The following NALCN variants were observed in gnomAD, a reference collection of about 807,000 sequenced individuals.
NALCN encodes sodium leak channel, non-selective, also known as sodium leak channel NALCN.
In NALCN, 111 loss-of-function variants were observed where a neutral mutation model predicts 225.3. The ratio of observed to expected loss-of-function variants is 0.49; its 90% CI spans 0.42 to 0.58. The LOEUF (loss-of-function observed/expected upper bound fraction) is 0.58. NALCN is among the 20% of genes least tolerant of loss of function. The probability of loss-of-function intolerance (pLI) is 0.00; values close to 1 mark genes in which losing one functional copy is unlikely to be tolerated. For synonymous variants in NALCN, 764 were observed against 769.0 expected, an observed-to-expected ratio of 0.99 and a Z score of 0.11; for missense variants, 1,378 against 2,202.4, an observed-to-expected ratio of 0.63 and a Z score of 7.49.
chr13:101,239,980 C>T (rs930809199), intron 11 of NALCN, among the ~76,000 whole-genome samples: 1 of 151,954 alleles, frequency 6.6e-6, no homozygotes, highest in Non-Finnish European at 1.5e-5. Flanking sequence ...TTAAATGTTA[C>T]TGTCCGTAAC....
At chr13:101,401,030 C>T (rs920735337) in intron 1 of NALCN, among the ~76,000 whole-genome samples, 6 of 152,164 alleles carry the variant, frequency 3.9e-5, no homozygotes, top group African/African-American at 1.2e-4. Flanking sequence ...GTCAATTAAA[C>T]CTCTTTCCTT....
intron 15 of NALCN, among the ~76,000 whole-genome samples, chr13:101,147,599 T>C (rs2037417130): frequency 1.3e-5 from 2 of 152,168 alleles, no homozygotes; most frequent in African/African-American, 4.8e-5. Flanking sequence ...ATATGGGATC[T>C]TGCAATGTTG....
intron 6 of NALCN, among the ~76,000 whole-genome samples, chr13:101,365,574 C>CAAA (rs10628196): frequency 2.6e-5 from 4 of 151,708 alleles, no homozygotes; most frequent in African/African-American, 9.7e-5. Flanking sequence ...GAGCAAACTG[C>CAAA]AAAAAAATCC....
At chr13:101,413,395 A>G (rs893791878) in intron 1 of NALCN, among the ~76,000 whole-genome samples, 2 of 152,118 alleles carry the variant, frequency 1.3e-5, no homozygotes, top group African/African-American at 2.4e-5. Flanking sequence ...CTATCAGGAC[A>G]CTGTTTATAA....
intron 27 of NALCN, among the ~76,000 whole-genome samples, chr13:101,097,422 A>G (rs1364913707): frequency 6.6e-6 from 1 of 152,166 alleles, no homozygotes; most frequent in Admixed American, 6.5e-5. Flanking sequence ...TATTGTATAA[A>G]GGTCCCTTGA....
At chr13:101,202,539 A>T (rs1004625035) in intron 13 of NALCN, among the ~76,000 whole-genome samples, 1 of 152,120 alleles carries the variant, frequency 6.6e-6, no homozygotes, top group African/African-American at 2.4e-5. Flanking sequence ...CAGTTCTTCA[A>T]ATTCCATCTC....
chr13:101,275,255 G>A (rs1217710378), intron 10 of NALCN, among the ~76,000 whole-genome samples: 4 of 152,112 alleles, frequency 2.6e-5, no homozygotes, highest in Non-Finnish European at 5.9e-5. Context: ...TAATATGCAA[G>A]GAGAGAAACA....
Position 101,395,285 on chromosome 13 carries a change from G to C in NALCN, c.189C>G (p.His63Gln). The C allele has an allele frequency of 2.5e-6, 4 of 1,614,088 alleles. No homozygotes were observed. Among genetic ancestry groups the C allele is most frequent in the Non-Finnish European group, 3.4e-6 (4 of 1,179,952 alleles). Residue 63 changes from histidine to glutamine, a missense_variant, in exon 3 of 44, where the codon CAC becomes CAG. Coordinates refer to ENST00000251127, the MANE Select transcript of NALCN (RefSeq NM_052867.4). ...AGGTCACATACTGAAGTGGAGGATA[G>C]TGCTCGAAGGTCATTGGCGTATTCA... Reference protein sequence around the residue: ...VCMNTPMTFEHYPPLQYVTFT... With the variant: ...VCMNTPMTFEQYPPLQYVTFT...
Position 101,237,948 on chromosome 13 carries a change from T to C in NALCN, c.1267-26A>G, listed in dbSNP as rs762857843. 21 of 1,565,470 alleles carry C rather than the reference T, an allele frequency of 1.3e-5. No homozygotes were observed. The South Asian group carries it at 2.1e-4, about 16-fold the overall frequency. On this transcript the variant is annotated intron_variant, in intron 11 of 43. Transcript: ENST00000251127. ...CTAGAGAAACAAAGAAACATTGAAATTGAAATTCAGAACTATAATTTATTC... is the reference window on the plus strand; with the variant it reads ...CTAGAGAAACAAAGAAACATTGAAACTGAAATTCAGAACTATAATTTATTC...
chr13:101,379,857 A>C (rs906929210), intron 3 of NALCN, among the ~76,000 whole-genome samples: 3 of 152,166 alleles, frequency 2.0e-5, no homozygotes. Context: ...ATAATAAAAA[A>C]AGACCCAACT....
chr13:101,096,583 G>A (rs2034515700), intron 27 of NALCN, among the ~76,000 whole-genome samples: 1 of 152,116 alleles, frequency 6.6e-6, no homozygotes, highest in Non-Finnish European at 1.5e-5. Context: ...AAAGGGATGG[G>A]GGTAATAGTT....
intron 7 of NALCN, among the ~76,000 whole-genome samples, chr13:101,324,208 A>G (rs2044859229): frequency 2.0e-5 from 3 of 152,202 alleles, no homozygotes; most frequent in Admixed American, 1.3e-4. Flanking sequence ...AACACGTCTC[A>G]ACTGGCTTGT....
chr13:101,288,823 C>T (rs1303793415), intron 9 of NALCN, among the ~76,000 whole-genome samples: 1 of 152,162 alleles, frequency 6.6e-6, no homozygotes, highest in Non-Finnish European at 1.5e-5. Context: ...AGAAAAGTAG[C>T]CTTGTGTGGC....
intron 1 of NALCN, among the ~76,000 whole-genome samples, chr13:101,413,597 G>T (rs115107289): frequency 0.011 from 1,612 of 152,156 alleles, 28 homozygotes; most frequent in African/African-American, 0.037. Flanking sequence ...ATGCCACGAT[G>T]ACAACTACCT....
At chr13:101,369,319 C>T (rs772320198) in intron 6 of NALCN, among the ~76,000 whole-genome samples, 2 of 152,030 alleles carry the variant, frequency 1.3e-5, no homozygotes, top group Non-Finnish European at 2.9e-5. Flanking sequence ...TCATGGTGAA[C>T]TTCATTTTTA....
intron 6 of NALCN, among the ~76,000 whole-genome samples, chr13:101,346,141 A>T (rs2045730368): frequency 6.9e-6 from 1 of 144,304 alleles, no homozygotes; most frequent in Admixed American, 7.2e-5. Flanking sequence ...GTGTATGTGT[A>T]TCTGAATATA....
At chr13:101,352,648 C>T (rs2045938935) in intron 6 of NALCN, among the ~76,000 whole-genome samples, 1 of 152,144 alleles carries the variant, frequency 6.6e-6, no homozygotes, top group South Asian at 2.1e-4. Context: ...TAAATGGATA[C>T]TGTGACTGAT....
chr13:101,364,922 C>G (rs73566990), intron 6 of NALCN, among the ~76,000 whole-genome samples: 6,110 of 152,036 alleles, frequency 0.04, 413 homozygotes, highest in African/African-American at 0.14. Flanking sequence ...CGTCATAGAC[C>G]GTTGCATGAA....
chr13:101,197,158 C>T (rs190894985), intron 13 of NALCN, among the ~76,000 whole-genome samples: 1 of 152,270 alleles, frequency 6.6e-6, no homozygotes, highest in East Asian at 1.9e-4. Context: ...AGCCCTTTGG[C>T]CACAGACTTC....
Sources: gnomAD v4.1 joint callset for allele counts (sites outside exome capture counted in the v4.1 genomes callset) on GRCh38, gnomAD v4.1.1 for gene constraint, MANE v1.5 for transcripts, NCBI Gene and HGNC (gene_info 2026-07-23, HGNC 2026-07-21) for gene names.